The following ITCH variants were observed in gnomAD, a reference collection of about 807,000 sequenced individuals.
ITCH encodes the protein E3 ubiquitin-protein ligase Itchy homolog.
A neutral mutation model predicts 126.8 loss-of-function variants in ITCH; 28 were observed. The ratio of observed to expected loss-of-function variants is 0.22; its 90% CI spans 0.16 to 0.30. The LOEUF (loss-of-function observed/expected upper bound fraction) is 0.30. Ranked by LOEUF, ITCH falls within the 10% of genes least tolerant of loss-of-function variation. ITCH has a pLI of 1.00. For missense variants in ITCH, 631 were observed against 1,032.4 expected, an observed-to-expected ratio of 0.61 and a Z score of 5.33; for synonymous variants, 342 against 340.0, an observed-to-expected ratio of 1.01 and a Z score of -0.06.
At chr20:34,496,919 G>A (rs1168994160) in intron 23 of ITCH, among the ~76,000 whole-genome samples, 2 of 152,020 alleles carry the variant, frequency 1.3e-5, no homozygotes, top group Non-Finnish European at 2.9e-5. Context: ...ATGAGAGAAA[G>A]GGGTCTACTT....
chr20:34,445,298 G>C lies in ITCH; in HGVS notation c.977G>C (p.Arg326Pro). The C allele has an allele frequency of 6.2e-7, 1 of 1,607,830 alleles. No homozygotes were observed. The highest frequency in any genetic ancestry group is 8.5e-7 in the Non-Finnish European group (1 of 1,177,884). ...TTTTTCTGATTTAGCTGGGAACGGC[G>C]GGTTGACAACATGGGACGTATTTAT... The part of the protein sequence containing the change: ...PEPLPPGWER[R>P]VDNMGRIYYV... The change falls in exon 11 of 25, where the codon CGG becomes CCG. Residue 326 changes from arginine to proline, a missense_variant. Physicochemically the swap from Arg to Pro is moderately radical, Grantham distance 103 (BLOSUM62 -2). Coordinates refer to ENST00000374864, the MANE Select transcript of ITCH (RefSeq NM_031483.7).
chr20:34,411,994 T>C (rs1979105163), intron 4 of ITCH, among the ~76,000 whole-genome samples: 2 of 152,246 alleles, frequency 1.3e-5, no homozygotes, highest in South Asian at 4.1e-4. Flanking sequence ...GAGGAACTTT[T>C]TAATATAAAG....
chr20:34,434,089 A>G (rs929592840), intron 7 of ITCH, among the ~76,000 whole-genome samples: 1 of 152,232 alleles, frequency 6.6e-6, no homozygotes, highest in African/African-American at 2.4e-5. Flanking sequence ...TAGCATGGGC[A>G]ACATGGCAGG....
chr20:34,483,388 TCTC>T (rs1315295436), intron 20 of ITCH, among the ~76,000 whole-genome samples: 4 of 152,156 alleles, frequency 2.6e-5, no homozygotes, highest in African/African-American at 9.7e-5. Context: ...AGCACGCAAG[TCTC>T]CTCTTGAATG....
chr20:34,382,744 T>TATG (rs1452477491), intron 2 of ITCH, among the ~76,000 whole-genome samples: 4 of 145,732 alleles, frequency 2.7e-5, no homozygotes, highest in African/African-American at 1.0e-4. Flanking sequence ...TTATTATTAT[T>TATG]ATTATTATTA....
chr20:34,371,460 T>C (rs2037628632), intron 2 of ITCH, among the ~76,000 whole-genome samples: 1 of 151,568 alleles, frequency 6.6e-6, no homozygotes, highest in African/African-American at 2.4e-5. Context: ...AATTTTGTAT[T>C]TTCAGTAGAG....
chr20:34,387,257 T>G (rs975963003), intron 2 of ITCH, among the ~76,000 whole-genome samples: 9 of 150,692 alleles, frequency 6.0e-5, no homozygotes, highest in Non-Finnish European at 1.0e-4. Context: ...GAGGGGAGAT[T>G]GCGCCCCTGC....
chr20:34,422,011 T>C (rs1363582835), intron 6 of ITCH, among the ~76,000 whole-genome samples: 1 of 152,122 alleles, frequency 6.6e-6, no homozygotes, highest in African/African-American at 2.4e-5. Context: ...TCAAGACCCT[T>C]TGTCAAGAAA....
At chr20:34,387,502 T>G (rs1445944330) in intron 2 of ITCH, among the ~76,000 whole-genome samples, 1 of 151,604 alleles carries the variant, frequency 6.6e-6, no homozygotes, top group African/African-American at 2.4e-5. Flanking sequence ...CTGTGGTATG[T>G]GGCTGTTAGT....
At chr20:34,412,894 TTTAA>T (rs1475954761) in intron 5 of ITCH, among the ~76,000 whole-genome samples, 1 of 152,140 alleles carries the variant, frequency 6.6e-6, no homozygotes, top group Non-Finnish European at 1.5e-5. Context: ...GTAATACATA[TTTAA>T]TTGTGGAAAA....
At chr20:34,491,443 T>C (rs531788428) in intron 22 of ITCH, among the ~76,000 whole-genome samples, 2 of 152,262 alleles carry the variant, frequency 1.3e-5, no homozygotes, top group African/African-American at 4.8e-5. Context: ...TAGGTTTTAC[T>C]TGGGATGATG....
At chr20:34,433,983 A>G (rs1982674586) in intron 7 of ITCH, among the ~76,000 whole-genome samples, 1 of 152,142 alleles carries the variant, frequency 6.6e-6, no homozygotes, top group East Asian at 1.9e-4. Context: ...TGTTTTAAAA[A>G]TTAAAATGGG....
At chr20:34,417,635 G>C (rs186557732) in intron 6 of ITCH, among the ~76,000 whole-genome samples, 3 of 149,558 alleles carry the variant, frequency 2.0e-5, no homozygotes, top group Non-Finnish European at 4.4e-5. Context: ...CCGGACCTCA[G>C]TTGATCCGCC....
chr20:34,454,290 A>T (rs1260218467), intron 12 of ITCH: 1 of 151,402 alleles, frequency 6.6e-6, no homozygotes, highest in Non-Finnish European at 1.5e-5. Flanking sequence ...GGCGCCCGCT[A>T]CCACGCCCGG....
At chr20:34,484,452 A>T (rs1988971404) in intron 20 of ITCH, among the ~76,000 whole-genome samples, 1 of 152,216 alleles carries the variant, frequency 6.6e-6, no homozygotes, top group Non-Finnish European at 1.5e-5. Flanking sequence ...CTGCTTTTAA[A>T]ATGTAGTCAA....
intron 2 of ITCH, among the ~76,000 whole-genome samples, chr20:34,388,528 G>GCA (rs2038372117): frequency 1.3e-5 from 2 of 152,014 alleles, no homozygotes; most frequent in African/African-American, 4.8e-5. Flanking sequence ...GGGACAACAG[G>GCA]CACATACCAC....
At chr20:34,440,961 CTA>C (rs1261597757) in intron 9 of ITCH, among the ~76,000 whole-genome samples, 2 of 152,052 alleles carry the variant, frequency 1.3e-5, no homozygotes, top group Non-Finnish European at 2.9e-5. Context: ...TAATATCAAA[CTA>C]TTTTTTTCAT....
chr20:34,464,457 G>T (rs1034330043), intron 14 of ITCH, among the ~76,000 whole-genome samples: 4 of 151,578 alleles, frequency 2.6e-5, no homozygotes, highest in Admixed American at 2.6e-4. Context: ...CTCCCGAGTC[G>T]CTGGGATTAT....
At chr20:34,486,668 T>A (rs1486792723) in intron 20 of ITCH, among the ~76,000 whole-genome samples, 1 of 150,600 alleles carries the variant, frequency 6.6e-6, no homozygotes, top group Non-Finnish European at 1.5e-5. Context: ...TTATTTATTT[T>A]ATTTATTTAT....
Sources: gnomAD v4.1 joint callset for allele counts (sites outside exome capture counted in the v4.1 genomes callset) on GRCh38, gnomAD v4.1.1 for gene constraint, MANE v1.5 for transcripts, NCBI Gene and HGNC (gene_info 2026-07-23, HGNC 2026-07-21) for gene names.